ZNF561: variants seen among roughly 807,000 people sequenced by gnomAD.
ZNF561 encodes the protein zinc finger protein 561.
Under a neutral mutation model 16.7 loss-of-function variants are expected in ZNF561, and 16 were observed. That is an observed-to-expected ratio of 0.96 (90% CI 0.65 to 1.45). ZNF561 has a LOEUF of 1.45. Among genes scored for constraint, ZNF561 ranks in the 40% most tolerant of loss-of-function variants. ZNF561 has a pLI of 0.00. For synonymous variants in ZNF561, 190 were observed against 192.1 expected, an observed-to-expected ratio of 0.99 and a Z score of 0.09; for missense variants, 580 against 578.0, an observed-to-expected ratio of 1.00 and a Z score of -0.04.
chr19:9,617,899 G>A (rs1482608489), intron 3 of ZNF561, 192 bp downstream of exon 3: 1 of 615,482 alleles, frequency 1.6e-6, no homozygotes, highest in Non-Finnish European at 3.0e-6. Flanking sequence ...TGAGCTACTG[G>A]ACTGATTTTC....
In ZNF561 at chr19:9,607,728, G is replaced by GTT. The variant is rs1306333191; in HGVS notation, c.*2471_*2472insAA. 1 of 152,116 alleles carries GTT rather than the reference G, an allele frequency of 6.6e-6. No homozygotes were observed. Among genetic ancestry groups the GTT allele is most frequent in the Non-Finnish European group, 1.5e-5 (1 of 68,022 alleles). 9.4% of individuals were successfully genotyped at this position (152,116 alleles called of 1,614,324 possible). A position where few individuals can be genotyped will look rare whatever the true frequency, so the allele number is the denominator to read the frequency against. The stretch of plus-strand genomic sequence containing the variant: ...ATAACCTAACGACTAAAGTGGAAAA[G>GTT]TAAGAGTCATTATTTACAGATTATG... On this transcript the variant is annotated 3_prime_UTR_variant, in exon 6 of 6. Transcript: ENST00000302851.
chr19:9,618,466 C>T (rs2074599382), intron 2 of ZNF561, among the ~76,000 whole-genome samples: 5 of 152,198 alleles, frequency 3.3e-5, no homozygotes, highest in Admixed American at 3.3e-4. Flanking sequence ...GTGCCTCATG[C>T]CTGTAATCCC....
intron 1 of ZNF561, 30 bp downstream of exon 1, chr19:9,621,132 C>A (rs879601961): frequency 6.5e-6 from 1 of 152,914 alleles, no homozygotes; most frequent in African/African-American, 2.4e-5. Flanking sequence ...CCCCTGCTAT[C>A]CCCGGGACCG....
chr19:9,607,824 A>C lies in ZNF561; in HGVS notation c.*2376T>G, dbSNP rs887520984. The stretch of plus-strand genomic sequence containing the variant: ...GACTGAATGATAACCCTGAAAATTC[A>C]TATGTTGAAGCTCCAAATCCCAATG... On this transcript the variant is annotated 3_prime_UTR_variant, in exon 6 of 6. Transcript: ENST00000302851. 6.6e-6 allele frequency: 1 copy of C among 152,160 alleles called. No homozygotes were observed. The highest frequency in any genetic ancestry group is 2.4e-5 in the African/African-American group (1 of 41,450). The allele number at this position is 152,160 out of a possible 1,614,324, so 9.4% of individuals were successfully genotyped here.
intron 2 of ZNF561, 38 bp downstream of exon 2, chr19:9,619,394 A>C: frequency 6.2e-7 from 1 of 1,610,266 alleles, no homozygotes; most frequent in South Asian, 1.1e-5. Flanking sequence ...GGTGACCTAA[A>C]GCAGAATCTC....
In ZNF561 at chr19:9,621,218, C is replaced by G. The variant is rs145164666; in HGVS notation, c.-183G>C. 99 of 155,948 alleles carry G rather than the reference C, an allele frequency of 6.3e-4. 1 individual carries two copies. Among genetic ancestry groups the G allele is most frequent in the Middle Eastern group, 3.3e-3 (1 of 300 alleles). The allele number at this position is 155,948 out of a possible 1,614,324, so 9.7% of individuals were successfully genotyped here. A position where few individuals can be genotyped will look rare whatever the true frequency, so the allele number is the denominator to read the frequency against. On this transcript the variant is annotated 5_prime_UTR_variant, in exon 1 of 6. Transcript: ENST00000302851. ...GCGAAACCGCACTGACGGAGAGGAG[C>G]CAGCGCCGGAAAAGATGGCGGTGGT...
intron 5 of ZNF561, among the ~76,000 whole-genome samples, chr19:9,613,523 TTTTC>T (rs1169854281): frequency 6.6e-6 from 1 of 151,842 alleles, no homozygotes; most frequent in Admixed American, 6.6e-5. Flanking sequence ...ACTCAGTTTC[TTTTC>T]TTTATTTCTG....
chr19:9,615,589 C>A (rs1400431661), intron 4 of ZNF561, among the ~76,000 whole-genome samples: 2 of 151,066 alleles, frequency 1.3e-5, no homozygotes, highest in Admixed American at 6.6e-5. Context: ...CAGAGCAAGA[C>A]CCTGTCACAA....
In ZNF561 at chr19:9,608,513, T is replaced by C. The variant is rs2074389766; in HGVS notation, c.*1687A>G. 1 of 152,200 alleles carries C rather than the reference T, an allele frequency of 6.6e-6. No homozygotes were observed. Among genetic ancestry groups the C allele is most frequent in the African/African-American group, 2.4e-5 (1 of 41,446 alleles). 9.4% of individuals were successfully genotyped at this position (152,200 alleles called of 1,614,324 possible). ...AATTTGTAAGCCATTTGGTCTGTGGTATTTTGTGATAGTGGCCTGAGCTCA... is the reference window on the plus strand; with the variant it reads ...AATTTGTAAGCCATTTGGTCTGTGGCATTTTGTGATAGTGGCCTGAGCTCA... On this transcript the variant is annotated 3_prime_UTR_variant, in exon 6 of 6. Transcript: ENST00000302851.
chr19:9,621,127 G>C (rs955473873), intron 1 of ZNF561, 35 bp downstream of exon 1: 2 of 152,984 alleles, frequency 1.3e-5, no homozygotes, highest in Admixed American at 1.3e-4. Context: ...GCCGCCCCCT[G>C]CTATCCCCGG....
intron 5 of ZNF561, among the ~76,000 whole-genome samples, 187 bp from the exon 6 acceptor site, chr19:9,611,523 G>A (rs897356717): frequency 4.0e-5 from 6 of 151,720 alleles, no homozygotes; most frequent in Admixed American, 2.0e-4. Flanking sequence ...CTCAGCTAAC[G>A]GCAACCTCCA....
chr19:9,610,589 T>C lies in ZNF561; in HGVS notation c.1072A>G (p.Ser358Gly). 2 of 1,613,448 alleles carry C rather than the reference T, an allele frequency of 1.2e-6. No homozygotes were observed. The highest frequency in any genetic ancestry group is 1.7e-6 in the Non-Finnish European group (2 of 1,179,592). Residue 358 changes from serine to glycine, a missense_variant, in exon 6 of 6, where the codon AGT (serine) becomes GGT (glycine). Transcript: ENST00000302851. The stretch of plus-strand genomic sequence containing the variant: ...TGATAGGGTTTCTTTCCACTGTGAC[T>C]TCGTATGTGTATAGAAAGGCCCGAG... Reference protein sequence around the residue: ...QYSGLSIHIRSHSGKKPYQCK... With the variant: ...QYSGLSIHIRGHSGKKPYQCK...
intron 1 of ZNF561, among the ~76,000 whole-genome samples, chr19:9,619,783 T>C (rs1568239108): frequency 6.6e-6 from 1 of 152,196 alleles, no homozygotes; most frequent in Admixed American, 6.5e-5. Flanking sequence ...AGTAGCTTTA[T>C]ATATACATGC....
At position 9,618,757 on chromosome 19, in the gene ZNF561, A is replaced by G. The variant is rs138658120; in HGVS notation, c.26-578T>C. The stretch of plus-strand genomic sequence containing the variant: ...AAAAAAAGTGACTCTCTATCTGCCC[A>G]TAGTAGTAACACTCATGAAGCTTAT... On this transcript the variant is annotated intron_variant, in intron 2 of 5. Transcript: ENST00000302851. Among the ~76,000 whole-genome samples the G allele has an allele frequency of 1.8e-3, 267 of 151,878 alleles. 1 individual carries two copies. Among genetic ancestry groups the G allele is most frequent in the African/African-American group, 6.3e-3 (263 of 41,444 alleles).
intron 3 of ZNF561, 108 bp downstream of exon 3, chr19:9,617,983 C>T (rs770325222): frequency 2.9e-5 from 30 of 1,036,194 alleles, no homozygotes; most frequent in Non-Finnish European, 4.1e-5. Context: ...TTGAGTAAGG[C>T]TTCATTTGCT....
Position 9,610,119 on chromosome 19 carries a change from T to C in ZNF561, c.*81A>G. ...GTATCTAAGGCCAATCCATGAGTCA[T>C]TACAACCTCCAAAAGGCATTTAGGA... On this transcript the variant is annotated 3_prime_UTR_variant, in exon 6 of 6. Transcript: ENST00000302851. 6.2e-6 allele frequency: 8 copies of C among 1,300,328 alleles called. No homozygotes were observed. The highest frequency in any genetic ancestry group is 7.3e-6 in the Non-Finnish European group (7 of 959,112). 80.5% of individuals were successfully genotyped at this position (1,300,328 alleles called of 1,614,324 possible).
At chr19:9,615,355 G>A (rs1262961979) in intron 4 of ZNF561, among the ~76,000 whole-genome samples, 3 of 151,874 alleles carry the variant, frequency 2.0e-5, no homozygotes, top group Non-Finnish European at 4.4e-5. Flanking sequence ...CTAACACTTT[G>A]GGAGGTCGAG....
At chr19:9,612,516 C>A (rs1176957417) in intron 5 of ZNF561, among the ~76,000 whole-genome samples, 1 of 152,090 alleles carries the variant, frequency 6.6e-6, no homozygotes, top group African/African-American at 2.4e-5. Context: ...CCACACCCAG[C>A]CTCAATTTAT....
At position 9,610,901 on chromosome 19, in the gene ZNF561, T is replaced by C. The variant is rs2074440652; in HGVS notation, c.760A>G (p.Lys254Glu). The C allele has an allele frequency of 1.3e-5, 21 of 1,614,168 alleles. No individual in the cohort carries two copies. Among genetic ancestry groups the C allele is most frequent in the Non-Finnish European group, 1.4e-5 (16 of 1,180,020 alleles). ...VAVHTGKKSKKTKKCGKSFTN... is the reference protein window; with the variant it reads ...VAVHTGKKSKETKKCGKSFTN... Reference sequence around the variant, plus strand: ...AAGGATTTCCCACATTTCTTAGTCTTTTTGGATTTCTTTCCTGTATGAACT... The same window carrying C: ...AAGGATTTCCCACATTTCTTAGTCTCTTTGGATTTCTTTCCTGTATGAACT... Residue 254 changes from lysine (K) to glutamate (E), a missense_variant, in exon 6 of 6, where the codon AAG (lysine) becomes GAG (glutamate). Lys to Glu is a moderately conservative substitution (Grantham distance 56, BLOSUM62 1). Transcript: ENST00000302851.
Sources: gnomAD v4.1 joint callset for allele counts (sites outside exome capture counted in the v4.1 genomes callset) on GRCh38, gnomAD v4.1.1 for gene constraint, MANE v1.5 for transcripts, NCBI Gene and HGNC (gene_info 2026-07-23, HGNC 2026-07-21) for gene names.